Variants in MDGA2 observed in about 807,000 individuals in gnomAD.
MDGA2 encodes the protein MAM domain-containing glycosylphosphatidylinositol anchor protein 2.
In MDGA2, 40 loss-of-function variants were observed where a neutral mutation model predicts 117.8. That is an observed-to-expected ratio of 0.34 (90% confidence interval 0.26 to 0.44). The LOEUF (loss-of-function observed/expected upper bound fraction) is 0.44, where lower values mean the gene tolerates loss of function less well. Ranked by LOEUF, MDGA2 falls within the 20% of genes least tolerant of loss-of-function variation. The pLI, the probability that MDGA2 is intolerant of heterozygous loss-of-function variation, is 1.00. For missense variants in MDGA2, 1,123 were observed against 1,250.6 expected (o/e 0.90, Z 1.54); for synonymous variants, 452 against 439.0 (o/e 1.03, Z -0.37).
intron 1 of MDGA2, among the ~76,000 whole-genome samples, chr14:47,405,774 T>C (rs1892248374): frequency 1.3e-5 from 2 of 152,138 alleles, no homozygotes; most frequent in African/African-American, 2.4e-5. Flanking sequence ...AGTGCTTGAA[T>C]TGCTACAGTA....
chr14:47,083,837 A>G (rs1405393383), intron 6 of MDGA2, among the ~76,000 whole-genome samples: 1 of 152,100 alleles, frequency 6.6e-6, no homozygotes, highest in Admixed American at 6.6e-5. Context: ...AGGGACATAT[A>G]CAATGACAAA....
In MDGA2 at chr14:47,653,657, A is replaced by T. The variant is rs141465601; in HGVS notation, c.280+20860T>A. ...TGGAATTAAGATTGTAGATGTAATT[A>T]AAGTTGCTAATCAGCTGACCTTAAA... On this transcript the variant is annotated intron_variant, in intron 1 of 16. Coordinates refer to ENST00000399232, the MANE Select transcript of MDGA2 (RefSeq NM_001113498.3). Among the ~76,000 whole-genome samples the T allele has an allele frequency of 7.0e-4, 106 of 152,332 alleles. 1 individual carries two copies. Among genetic ancestry groups the T allele is most frequent in the African/African-American group, 2.3e-3 (96 of 41,592 alleles).
intron 1 of MDGA2, among the ~76,000 whole-genome samples, chr14:47,324,230 G>C (rs193095648): frequency 8.5e-5 from 13 of 152,182 alleles, no homozygotes; most frequent in African/African-American, 3.1e-4. Context: ...GGGTGACAGA[G>C]TGAGACTCCA....
At chr14:47,553,783 A>G (rs1895633138) in intron 1 of MDGA2, among the ~76,000 whole-genome samples, 1 of 152,146 alleles carries the variant, frequency 6.6e-6, no homozygotes, top group African/African-American at 2.4e-5. Context: ...ATGTTGTCTT[A>G]TATTTTATTG....
chr14:47,214,707 T>G (rs1246487660), intron 3 of MDGA2, among the ~76,000 whole-genome samples: 1 of 152,142 alleles, frequency 6.6e-6, no homozygotes, highest in Non-Finnish European at 1.5e-5. Context: ...ATTCCTTTCG[T>G]GAAACTACAT....
chr14:46,975,204 G>C (rs980000618), intron 8 of MDGA2, among the ~76,000 whole-genome samples: 1 of 152,028 alleles, frequency 6.6e-6, no homozygotes, highest in Non-Finnish European at 1.5e-5. Context: ...AACAAATGTT[G>C]GTGAGAATGT....
At chr14:47,135,153 G>A (rs902042455) in intron 4 of MDGA2, among the ~76,000 whole-genome samples, 3 of 151,918 alleles carry the variant, frequency 2.0e-5, no homozygotes, top group Non-Finnish European at 4.4e-5. Flanking sequence ...ATACTTCTCT[G>A]CTTATTTCTA....
Position 46,996,952 on chromosome 14 carries a change from A to G in MDGA2, c.1819+38059T>C, listed in dbSNP as rs555075214. 4.9e-5 allele frequency: 20 copies of G among 407,234 alleles called. No homozygotes were observed. The East Asian group carries it at 1.3e-3, about 26-fold the overall frequency. 25.2% of individuals were successfully genotyped at this position (407,234 alleles called of 1,614,324 possible). A position where few individuals can be genotyped will look rare whatever the true frequency, so the allele number is the denominator to read the frequency against. On this transcript the variant is annotated intron_variant, in intron 8 of 16. Coordinates refer to ENST00000399232, the MANE Select transcript of MDGA2 (RefSeq NM_001113498.3). Reference sequence around the variant, plus strand: ...CAACCCAGGAATGGGTGAAGTAGGGAACTTTGGTGGGAATAGCTTCATGCC... The same window carrying G: ...CAACCCAGGAATGGGTGAAGTAGGGGACTTTGGTGGGAATAGCTTCATGCC...
At chr14:47,242,641 C>T (rs1417337262) in intron 2 of MDGA2, among the ~76,000 whole-genome samples, 1 of 151,812 alleles carries the variant, frequency 6.6e-6, no homozygotes, top group East Asian at 1.9e-4. Flanking sequence ...CCCACCAGCG[C>T]TGCGCTCGAT....
chr14:47,015,997 A>G (rs1888070240), intron 8 of MDGA2, among the ~76,000 whole-genome samples: 1 of 152,126 alleles, frequency 6.6e-6, no homozygotes. Flanking sequence ...GTAAAGCATT[A>G]CTTTACTGGT....
chr14:47,459,619 G>A (rs976198999), intron 1 of MDGA2, among the ~76,000 whole-genome samples: 1 of 150,706 alleles, frequency 6.6e-6, no homozygotes, highest in African/African-American at 2.4e-5. Flanking sequence ...TTGTGCAGGT[G>A]TGGGTTTTTT....
intron 1 of MDGA2, among the ~76,000 whole-genome samples, chr14:47,566,222 G>A (rs1175627700): frequency 2.0e-5 from 3 of 152,172 alleles, no homozygotes; most frequent in Non-Finnish European, 4.4e-5. Flanking sequence ...CTCTACTAGA[G>A]CTCTCTGATG....
intron 3 of MDGA2, among the ~76,000 whole-genome samples, chr14:47,184,022 T>C (rs1195836542): frequency 1.3e-5 from 2 of 152,106 alleles, no homozygotes; most frequent in African/African-American, 4.8e-5. Flanking sequence ...CCTCTTCCCA[T>C]GCAATTTAGA....
At chr14:47,289,190 A>G (rs903500894) in intron 2 of MDGA2, among the ~76,000 whole-genome samples, 3 of 151,836 alleles carry the variant, frequency 2.0e-5, no homozygotes, top group African/African-American at 7.3e-5. Context: ...CCAAAAGTGA[A>G]AAGGATAAAT....
intron 1 of MDGA2, among the ~76,000 whole-genome samples, chr14:47,603,961 TC>T (rs1278954479): frequency 6.6e-6 from 1 of 152,200 alleles, no homozygotes; most frequent in African/African-American, 2.4e-5. Flanking sequence ...CTCTTCACCT[TC>T]CACCTTAGGT....
chr14:47,446,292 G>A (rs1215007199), intron 1 of MDGA2, among the ~76,000 whole-genome samples: 1 of 152,046 alleles, frequency 6.6e-6, no homozygotes. Flanking sequence ...CATACATTGG[G>A]AATTATATGT....
At chr14:47,082,423 CA>C (rs1331413661) in intron 6 of MDGA2, among the ~76,000 whole-genome samples, 1 of 151,534 alleles carries the variant, frequency 6.6e-6, no homozygotes, top group East Asian at 1.9e-4. Flanking sequence ...GCTGAAAATC[CA>C]AGGAAAAATC....
chr14:47,486,109 C>T (rs1036133854), intron 1 of MDGA2, among the ~76,000 whole-genome samples: 6 of 152,148 alleles, frequency 3.9e-5, no homozygotes, highest in Non-Finnish European at 7.3e-5. Flanking sequence ...TGCAGACACT[C>T]AATGGCGGTC....
intron 10 of MDGA2, among the ~76,000 whole-genome samples, chr14:46,897,747 T>C (rs1022353068): frequency 3.4e-5 from 5 of 147,744 alleles, no homozygotes; most frequent in African/African-American, 9.9e-5. Context: ...AATTGGTACA[T>C]GTGTAGAAAG....
Sources: gnomAD v4.1 joint callset for allele counts (sites outside exome capture counted in the v4.1 genomes callset) on GRCh38, gnomAD v4.1.1 for gene constraint, MANE v1.5 for transcripts, NCBI Gene and HGNC (gene_info 2026-07-23, HGNC 2026-07-21) for gene names.